The following LAMA1 variants were observed in gnomAD, a reference collection of about 807,000 sequenced individuals.
The protein encoded by LAMA1 is laminin subunit alpha 1.
In LAMA1, 219 loss-of-function variants were observed where a neutral mutation model predicts 348.7. The ratio of observed to expected loss-of-function variants is 0.63; its 90% CI spans 0.56 to 0.70. The LOEUF (loss-of-function observed/expected upper bound fraction) is 0.70. LAMA1 is among the 30% of genes least tolerant of loss of function. The pLI is 0.00. For synonymous variants in LAMA1, 1,487 were observed against 1,491.0 expected (o/e 1.00, Z 0.06); for missense variants, 3,744 against 3,888.0 (o/e 0.96, Z 0.99).
At chr18:7,052,895 C>T (rs935176803) in intron 3 of LAMA1, among the ~76,000 whole-genome samples, 7 of 150,732 alleles carry the variant, frequency 4.6e-5, no homozygotes, top group African/African-American at 1.7e-4. Context: ...GTGGTGCATG[C>T]CTGTAGTCCG....
At chr18:7,087,954 G>A (rs978044521) in intron 1 of LAMA1, among the ~76,000 whole-genome samples, 5 of 152,040 alleles carry the variant, frequency 3.3e-5, no homozygotes, top group Admixed American at 6.5e-5. Flanking sequence ...ATTATCAGGG[G>A]GTATCACTAA....
At chr18:7,066,601 T>C (rs907750229) in intron 3 of LAMA1, among the ~76,000 whole-genome samples, 2 of 152,200 alleles carry the variant, frequency 1.3e-5, no homozygotes, top group African/African-American at 4.8e-5. Context: ...CCAAACATTG[T>C]TTAAGCATCT....
At chr18:7,109,638 A>G (rs2058327812) in intron 1 of LAMA1, among the ~76,000 whole-genome samples, 1 of 152,160 alleles carries the variant, frequency 6.6e-6, no homozygotes, top group African/African-American at 2.4e-5. Context: ...CAAATCACAC[A>G]GCTGCAAGTC....
chr18:6,978,346 G>T lies in LAMA1; in HGVS notation c.6040C>A (p.Leu2014Met). 4 of 1,614,060 alleles carry T rather than the reference G, an allele frequency of 2.5e-6. No homozygotes were observed. The highest frequency in any genetic ancestry group is 3.4e-6 in the Non-Finnish European group (4 of 1,180,022). The change falls in exon 43 of 63, where the codon CTG (leucine) becomes ATG (methionine). Residue 2014 changes from leucine to methionine, a missense_variant. Coordinates refer to ENST00000389658, the MANE Select transcript of LAMA1 (RefSeq NM_005559.4). ...GCGCTCTGGCTTGCAGACGTGGCCA[G>T]CTCTTTGGTTTTGGCTCCCTTGTCT... ...IRDKGAKTKE[L>M]ATSASQSAVS...
At chr18:6,981,321 G>A (rs1306293712) in intron 41 of LAMA1, among the ~76,000 whole-genome samples, 1 of 152,082 alleles carries the variant, frequency 6.6e-6, no homozygotes, top group Non-Finnish European at 1.5e-5. Flanking sequence ...CCTCTGGGTT[G>A]TAAAACCCCT....
rs9957172 is a variant in LAMA1, at chr18:7,045,884, A to G, written c.858+394T>C. Among the ~76,000 whole-genome samples, 1,208 of 152,262 alleles carry G rather than the reference A, an allele frequency of 7.9e-3. 15 individuals are homozygous for G. The highest frequency in any genetic ancestry group is 0.025 in the African/African-American group (1,047 of 41,550). ...TAAATCTTGATTTAGCACCAAAAAA[A>G]ACGGAAGGGGAGAAAATAGGAAGAG... On this transcript the variant is annotated intron_variant, in intron 6 of 62. Transcript: ENST00000389658.
Position 7,024,479 on chromosome 18 carries a change from T to C in LAMA1, c.2403-13A>G. The C allele has an allele frequency of 1.2e-6, 2 of 1,609,712 alleles. No homozygotes were observed. Among genetic ancestry groups the C allele is most frequent in the Non-Finnish European group, 1.7e-6 (2 of 1,176,612 alleles). On this transcript the variant is annotated splice_polypyrimidine_tract_variant and intron_variant, in intron 17 of 62. Coordinates refer to ENST00000389658, the MANE Select transcript of LAMA1 (RefSeq NM_005559.4). ...GGTGGGGCTGAAACTGTCAAAACAT[T>C]AGAAATGAACAAAATTTTCCAATGG...
chr18:6,993,818 G>C (rs1038161951), intron 34 of LAMA1, 66 bp from the exon 35 acceptor site: 7 of 908,948 alleles, frequency 7.7e-6, no homozygotes, highest in Middle Eastern at 2.2e-4. Flanking sequence ...TAAATAATAC[G>C]CAAGTTGTAA....
rs1451381879 is a variant in LAMA1 at position 6,959,423 on chromosome 18, G to A, written c.7696C>T (p.Leu2566=). ...GGAGCGTGCAGGAGAGCTTTTCTCA[G>A]GCCTGTCCCATCCCCAGGATTGACA... is the stretch of plus-strand genomic sequence containing the variant. ...VHVNPGDGTG[L]RKALLHAPTG... The change falls in exon 54 of 63, where the codon CTG becomes TTG. Residue 2566 remains leucine, a synonymous_variant. Coordinates refer to ENST00000389658, the MANE Select transcript of LAMA1 (RefSeq NM_005559.4). 1.2e-6 allele frequency: 2 copies of A among 1,614,052 alleles called. No individual in the cohort carries two copies. The highest frequency in any genetic ancestry group is 2.7e-5 in the African/African-American group (2 of 74,906).
intron 16 of LAMA1, among the ~76,000 whole-genome samples, chr18:7,028,713 T>TC (rs1365099987): frequency 4.6e-5 from 7 of 151,946 alleles, no homozygotes; most frequent in East Asian, 3.9e-4. Flanking sequence ...TGAAAAACCT[T>TC]CCCCCCCTCA....
intron 41 of LAMA1, among the ~76,000 whole-genome samples, chr18:6,982,085 T>C (rs563416): frequency 0.85 from 129,837 of 152,158 alleles, 55,558 homozygotes; most frequent in East Asian, 0.99. Flanking sequence ...ATGAGTCTAA[T>C]ATGATATTAG....
At chr18:7,039,436 A>G (rs570955864) in intron 10 of LAMA1, among the ~76,000 whole-genome samples, 2 of 152,338 alleles carry the variant, frequency 1.3e-5, no homozygotes, top group East Asian at 3.9e-4. Flanking sequence ...CACCATATTA[A>G]TGCATTTCTT....
intron 39 of LAMA1, among the ~76,000 whole-genome samples, chr18:6,984,965 CATA>C (rs553567577): frequency 5.5e-4 from 84 of 152,280 alleles, no homozygotes; most frequent in Non-Finnish European, 9.4e-4. Flanking sequence ...GATACTGTAG[CATA>C]ATATGTGTTT....
chr18:7,015,020 T>G (rs1009494944), intron 22 of LAMA1, among the ~76,000 whole-genome samples: 1 of 152,052 alleles, frequency 6.6e-6, no homozygotes, highest in Non-Finnish European at 1.5e-5. Context: ...CTAATTTTTT[T>G]TGTATTTTTA....
At chr18:6,975,812 G>T (rs1451263970) in intron 45 of LAMA1, 125 bp downstream of exon 45, 2 of 1,096,884 alleles carry the variant, frequency 1.8e-6, no homozygotes, top group East Asian at 4.8e-5. Context: ...ACAAAGGTTA[G>T]TCCCTATGGG....
intron 16 of LAMA1, among the ~76,000 whole-genome samples, chr18:7,031,534 T>A (rs1305772598): frequency 3.3e-5 from 5 of 151,762 alleles, no homozygotes; most frequent in Non-Finnish European, 7.4e-5. Flanking sequence ...TATCATGATT[T>A]AAAAAAAATA....
At chr18:6,951,402 T>A (rs1286564969) in intron 57 of LAMA1, among the ~76,000 whole-genome samples, 1 of 152,172 alleles carries the variant, frequency 6.6e-6, no homozygotes, top group Non-Finnish European at 1.5e-5. Flanking sequence ...GAAGCCCACC[T>A]GAGGCCGTGG....
chr18:7,080,227 C>A, intron 2 of LAMA1, 60 bp downstream of exon 2: 1 of 1,610,032 alleles, frequency 6.2e-7, no homozygotes, highest in Non-Finnish European at 8.5e-7. Context: ...AAGTCTCAGT[C>A]CTCATTTCAC....
chr18:7,071,221 G>A (rs185575675), intron 3 of LAMA1, among the ~76,000 whole-genome samples: 177 of 152,274 alleles, frequency 1.2e-3, no homozygotes, highest in African/African-American at 4.1e-3. Context: ...ACCTGCAGCC[G>A]TAGACTCTGG....
Sources: gnomAD v4.1 joint callset for allele counts (sites outside exome capture counted in the v4.1 genomes callset) on GRCh38, gnomAD v4.1.1 for gene constraint, MANE v1.5 for transcripts, NCBI Gene and HGNC (gene_info 2026-07-23, HGNC 2026-07-21) for gene names.